Variants in DNAH11 observed in about 807,000 individuals in gnomAD.
DNAH11 encodes axonemal beta dynein heavy chain 11.
DNAH11 carries 442 observed loss-of-function variants against 526.0 expected under a neutral mutation model. The ratio of observed to expected loss-of-function variants is 0.84; its 90% CI spans 0.78 to 0.91. The LOEUF (loss-of-function observed/expected upper bound fraction) is 0.91. Among genes scored for constraint, DNAH11 ranks in the 40% least tolerant of loss-of-function variants. DNAH11 has a pLI of 0.00. For missense variants in DNAH11, 6,989 were observed against 5,448.7 expected (o/e 1.28, Z -8.90); for synonymous variants, 2,461 against 1,935.9 (o/e 1.27, Z -7.12).
intron 61 of DNAH11, among the ~76,000 whole-genome samples, chr7:21,798,770 G>C (rs761759206): frequency 6.6e-6 from 1 of 152,094 alleles, no homozygotes; most frequent in Non-Finnish European, 1.5e-5. Flanking sequence ...TGCAATAGCA[G>C]GTATAAGAAT....
At chr7:21,609,896 C>T (rs944659568) in intron 20 of DNAH11, among the ~76,000 whole-genome samples, 2 of 152,146 alleles carry the variant, frequency 1.3e-5, no homozygotes, top group Middle Eastern at 3.2e-3. Context: ...GGAAGGTCTG[C>T]AGCCTGCAAA....
Position 21,695,352 on chromosome 7 carries a change from G to A in DNAH11, c.6042-2723G>A, listed in dbSNP as rs182148948. Among the ~76,000 whole-genome samples the A allele has an allele frequency of 3.9e-5, 6 of 152,194 alleles. No homozygotes were observed. The South Asian group carries it at 6.2e-4, about 16-fold the overall frequency. On this transcript the variant is annotated intron_variant, in intron 35 of 81. Transcript: ENST00000409508. ...TACCTGACCTCAAACTATGCTACAA[G>A]GCTGCAGTATCCAAAACAGCATGGT...
At chr7:21,591,606 T>C (rs1022981795) in intron 14 of DNAH11, 29 bp downstream of exon 14, 2 of 1,499,534 alleles carry the variant, frequency 1.3e-6, no homozygotes, top group Non-Finnish European at 1.8e-6. Flanking sequence ...TCAAGATTTA[T>C]AGATCTTTTC....
chr7:21,866,924 C>T (rs941913907), intron 71 of DNAH11, among the ~76,000 whole-genome samples: 1 of 152,142 alleles, frequency 6.6e-6, no homozygotes, highest in African/African-American at 2.4e-5. Context: ...GGAAATATTC[C>T]TGGAAGAGAA....
chr7:21,663,952 A>T lies in DNAH11; in HGVS notation c.5328+4921A>T, dbSNP rs1782330281. On this transcript the variant is annotated intron_variant, in intron 30 of 81. Coordinates refer to ENST00000409508, the MANE Select transcript of DNAH11 (RefSeq NM_001277115.2). ...TCTGGTATATATCTCCATTAGTCAG[A>T]TTGCTGGATCATATGGTAATTCTAT... is the stretch of plus-strand genomic sequence containing the variant. Among the ~76,000 whole-genome samples, 11 of 152,094 alleles carry T rather than the reference A, an allele frequency of 7.2e-5. 1 individual carries two copies. In the South Asian group the frequency reaches 2.3e-3, roughly 32 times the overall value.
Position 21,773,992 on chromosome 7 carries a change from C to T in DNAH11, c.9329C>T (p.Ala3110Val), listed in dbSNP as rs1033643824. ...GGCATCCAAAAGCTAAAAACCACAG[C>T]CTCTCAGGTATGACCAGGATGTGTT... ...VNGIQKLKTT[A>V]SQVGDLKARL... Residue 3110 changes from alanine (A) to valine (V), a missense_variant, in exon 56 of 82, where the codon GCC becomes GTC. Coordinates refer to ENST00000409508, the MANE Select transcript of DNAH11 (RefSeq NM_001277115.2). 1.3e-6 allele frequency: 2 copies of T among 1,561,760 alleles called. No individual in the cohort carries two copies. The highest frequency in any genetic ancestry group is 1.7e-6 in the Non-Finnish European group (2 of 1,154,168).
chr7:21,751,499 A>T (rs1203359045), intron 54 of DNAH11, among the ~76,000 whole-genome samples: 1 of 152,208 alleles, frequency 6.6e-6, no homozygotes, highest in Non-Finnish European at 1.5e-5. Context: ...TCAGGAAGCC[A>T]ATTTAAGAAT....
intron 8 of DNAH11, among the ~76,000 whole-genome samples, chr7:21,579,801 T>A (rs1481966652): frequency 6.6e-6 from 1 of 152,184 alleles, no homozygotes; most frequent in Non-Finnish European, 1.5e-5. Flanking sequence ...GATTATTTAG[T>A]CAGCCATTGG....
chr7:21,839,037 T>C (rs890189891), intron 65 of DNAH11, among the ~76,000 whole-genome samples: 1 of 152,154 alleles, frequency 6.6e-6, no homozygotes, highest in Non-Finnish European at 1.5e-5. Context: ...GTCATTCTCA[T>C]TGGTGTGAAC....
intron 65 of DNAH11, among the ~76,000 whole-genome samples, chr7:21,831,804 C>T (rs929892697): frequency 1.4e-4 from 21 of 152,110 alleles, no homozygotes; most frequent in Non-Finnish European, 3.1e-4. Context: ...TTAAAAGCTT[C>T]TGTTGGCCAG....
chr7:21,807,878 G>A lies in DNAH11; in HGVS notation c.10166-5G>A, dbSNP rs769633876. ...TACAGCTGAGTAATTTCATCTTTCA[G>A]TCAGAGAAGATTCGCTGGGGTCAAT... On this transcript the variant is annotated splice_region_variant and splice_polypyrimidine_tract_variant and intron_variant, in intron 62 of 81. Coordinates refer to ENST00000409508, the MANE Select transcript of DNAH11 (RefSeq NM_001277115.2). The A allele has an allele frequency of 1.3e-6, 2 of 1,586,174 alleles. No homozygotes were observed. The highest frequency in any genetic ancestry group is 1.7e-6 in the Non-Finnish European group (2 of 1,158,246).
Position 21,543,235 on chromosome 7 carries a change from A to T in DNAH11, c.-11A>T. On this transcript the variant is annotated 5_prime_UTR_variant, in exon 1 of 82. Transcript: ENST00000409508. ...GCCAGCCGGCCTCGCGTTCCCTCGG[A>T]CGGTTGCCCAATGGCAGCCCAGGTG... 1 of 1,521,736 alleles carries T rather than the reference A, an allele frequency of 6.6e-7. No homozygotes were observed. The highest frequency in any genetic ancestry group is 8.8e-7 in the Non-Finnish European group (1 of 1,134,620). 94.3% of individuals were successfully genotyped at this position (1,521,736 alleles called of 1,614,324 possible). A position where few individuals can be genotyped will look rare whatever the true frequency, so the allele number is the denominator to read the frequency against.
chr7:21,827,955 T>G (rs1248956067), intron 65 of DNAH11, among the ~76,000 whole-genome samples: 1 of 152,014 alleles, frequency 6.6e-6, no homozygotes, highest in Non-Finnish European at 1.5e-5. Flanking sequence ...TTTAATTTTT[T>G]TTTTTCTTTT....
At chr7:21,864,341 A>C (rs1229147682) in intron 69 of DNAH11, among the ~76,000 whole-genome samples, 194 bp from the exon 70 acceptor site, 1 of 152,178 alleles carries the variant, frequency 6.6e-6, no homozygotes, top group Non-Finnish European at 1.5e-5. Context: ...TTCCTGTTAG[A>C]TTTCTGATCA....
intron 20 of DNAH11, among the ~76,000 whole-genome samples, chr7:21,614,409 C>T (rs984931686): frequency 2.0e-5 from 3 of 152,142 alleles, no homozygotes; most frequent in African/African-American, 7.2e-5. Context: ...GATTGCTTTC[C>T]TGCCTTGCAA....
chr7:21,701,040 T>C (rs1349780243), intron 36 of DNAH11, among the ~76,000 whole-genome samples: 2 of 152,096 alleles, frequency 1.3e-5, no homozygotes, highest in Admixed American at 1.3e-4. Flanking sequence ...CAAACCACCA[T>C]GGTACGTGTA....
At chr7:21,641,251 A>T (rs534676619) in intron 28 of DNAH11, among the ~76,000 whole-genome samples, 3 of 152,172 alleles carry the variant, frequency 2.0e-5, no homozygotes, top group Middle Eastern at 3.4e-3. Context: ...CTTAGAGTGG[A>T]GGTTGGGGGA....
At chr7:21,572,881 G>A (rs774390270) in intron 8 of DNAH11, among the ~76,000 whole-genome samples, 2 of 152,188 alleles carry the variant, frequency 1.3e-5, no homozygotes, top group Non-Finnish European at 2.9e-5. Context: ...GGATCATGGT[G>A]ATGAATAATT....
intron 35 of DNAH11, among the ~76,000 whole-genome samples, chr7:21,694,209 T>G (rs1783749310): frequency 6.6e-6 from 1 of 152,234 alleles, no homozygotes; most frequent in Admixed American, 6.5e-5. Context: ...TACTTTAAGT[T>G]CTGGGATACA....
Sources: allele counts gnomAD v4.1 joint callset (sites outside exome capture counted in the v4.1 genomes callset), GRCh38; gene constraint gnomAD v4.1.1; transcripts MANE v1.5; gene names NCBI Gene and HGNC (gene_info 2026-07-23, HGNC 2026-07-21).